AATF: variants seen among roughly 807,000 people sequenced by gnomAD.
AATF encodes protein AATF.
Under a neutral mutation model 63.7 loss-of-function variants are expected in AATF, and 48 were observed. The ratio of observed to expected loss-of-function variants is 0.75; its 90% confidence interval spans 0.60 to 0.96. The LOEUF is 0.96. Ranked by LOEUF, AATF falls within the 40% of genes least tolerant of loss-of-function variation. The pLI is 0.00. For missense variants in AATF, 639 were observed against 685.7 expected, an observed-to-expected ratio of 0.93 and a Z score of 0.76; for synonymous variants, 258 against 247.7, an observed-to-expected ratio of 1.04 and a Z score of -0.39.
chr17:36,989,563 T>G (rs1427158973), intron 7 of AATF, 152 bp downstream of exon 7: 4 of 762,100 alleles, frequency 5.2e-6, no homozygotes, highest in Middle Eastern at 4.2e-4. Flanking sequence ...GAAACTTGAG[T>G]GTATGTGAGA....
chr17:37,020,228 A>C (rs1455091507), intron 9 of AATF, among the ~76,000 whole-genome samples: 2 of 152,114 alleles, frequency 1.3e-5, no homozygotes, highest in African/African-American at 2.4e-5. Context: ...GCCAACTGTA[A>C]AATTGAGACA....
At chr17:36,950,483 A>C in intron 2 of AATF, 78 bp downstream of exon 2, 1 of 1,405,014 alleles carries the variant, frequency 7.1e-7, no homozygotes, top group Non-Finnish European at 9.8e-7. Context: ...ATCCCCCATG[A>C]TCTTTGCAAG....
chr17:37,053,669 C>T (rs193233310), intron 11 of AATF, among the ~76,000 whole-genome samples: 19 of 152,274 alleles, frequency 1.2e-4, no homozygotes, highest in Admixed American at 2.6e-4. Context: ...GAGATGGAGA[C>T]CATCCTGGCC....
intron 8 of AATF, among the ~76,000 whole-genome samples, chr17:36,999,672 T>G (rs1204303845): frequency 6.6e-6 from 1 of 152,072 alleles, no homozygotes; most frequent in South Asian, 2.1e-4. Context: ...TGAAACTGGT[T>G]ATGGTGAAAG....
intron 4 of AATF, among the ~76,000 whole-genome samples, chr17:36,976,362 C>T (rs1333548738): frequency 1.3e-5 from 2 of 152,060 alleles, no homozygotes; most frequent in African/African-American, 4.8e-5. Context: ...ATATAAAGTG[C>T]TTAGGCGAGT....
At chr17:36,977,954 A>G (rs956358693) in intron 4 of AATF, among the ~76,000 whole-genome samples, 1 of 152,208 alleles carries the variant, frequency 6.6e-6, no homozygotes, top group African/African-American at 2.4e-5. Flanking sequence ...ATTTATTGAC[A>G]TACTTCATCA....
At chr17:37,016,308 A>AT (rs1008928404) in intron 8 of AATF, among the ~76,000 whole-genome samples, 1 of 152,138 alleles carries the variant, frequency 6.6e-6, no homozygotes, top group South Asian at 2.1e-4. Context: ...TCTAGCATGC[A>AT]TTTTTTCTAA....
At chr17:36,991,828 C>T (rs1181932152) in intron 8 of AATF, among the ~76,000 whole-genome samples, 2 of 151,984 alleles carry the variant, frequency 1.3e-5, no homozygotes, top group African/African-American at 4.8e-5. Context: ...CTCGTGATCT[C>T]CCTGCCTCAG....
intron 7 of AATF, among the ~76,000 whole-genome samples, chr17:36,989,705 T>C (rs1468470577): frequency 2.6e-5 from 4 of 152,214 alleles, no homozygotes; most frequent in South Asian, 2.1e-4. Context: ...TTAAAGCTAC[T>C]TCTGTAGAAA....
chr17:36,962,346 C>CT (rs1442830927), intron 4 of AATF, among the ~76,000 whole-genome samples: 1 of 152,170 alleles, frequency 6.6e-6, no homozygotes, highest in African/African-American at 2.4e-5. Flanking sequence ...AGAGCAAGAA[C>CT]TTTTCCAAAG....
chr17:37,007,728 C>T (rs2071353041), intron 8 of AATF, among the ~76,000 whole-genome samples: 1 of 152,026 alleles, frequency 6.6e-6, no homozygotes, highest in African/African-American at 2.4e-5. Flanking sequence ...AAGGCTCCAG[C>T]GAAGAGGACA....
At chr17:36,979,014 C>G (rs1015383511) in intron 4 of AATF, among the ~76,000 whole-genome samples, 1 of 152,004 alleles carries the variant, frequency 6.6e-6, no homozygotes, top group African/African-American at 2.4e-5. Flanking sequence ...AATAATCACT[C>G]ACACAGCTTT....
At chr17:37,036,612 A>C (rs2071594662) in intron 11 of AATF, among the ~76,000 whole-genome samples, 2 of 152,096 alleles carry the variant, frequency 1.3e-5, no homozygotes, top group Non-Finnish European at 2.9e-5. Context: ...TTTAAAAAAA[A>C]AAACCTTTTA....
In AATF at chr17:37,046,121, C is replaced by T. The variant is rs1289960671; in HGVS notation, c.1620-10480C>T. Among the ~76,000 whole-genome samples the T allele has an allele frequency of 2.0e-5, 3 of 151,942 alleles. No individual in the cohort carries two copies. In the East Asian group the frequency reaches 5.8e-4, roughly 29 times the overall value. On this transcript the variant is annotated intron_variant, in intron 11 of 11. Coordinates refer to ENST00000619387, the MANE Select transcript of AATF (RefSeq NM_012138.4). Reference sequence around the variant, plus strand: ...TATCGATATCTGTAATTTTGTCTTACAGCTCACTGCCATTAAACAGTTGTG... The same window carrying T: ...TATCGATATCTGTAATTTTGTCTTATAGCTCACTGCCATTAAACAGTTGTG...
rs983716438 is a variant in AATF at position 36,949,065 on chromosome 17, G to T, written c.-61G>T. Reference sequence around the variant, plus strand: ...GGATCCGGCAGGGAAGGAGCTTCGGGGCCGGGGGTTGGGCCGCACATTTAC... The same window carrying T: ...GGATCCGGCAGGGAAGGAGCTTCGGTGCCGGGGGTTGGGCCGCACATTTAC... On this transcript the variant is annotated 5_prime_UTR_variant, in exon 1 of 12. Transcript: ENST00000619387. 1.3e-5 allele frequency: 18 copies of T among 1,419,294 alleles called. No individual in the cohort carries two copies. The highest frequency in any genetic ancestry group is 1.4e-5 in the Non-Finnish European group (15 of 1,035,914). 87.9% of individuals were successfully genotyped at this position (1,419,294 alleles called of 1,614,324 possible).
chr17:36,983,136 G>A lies in AATF; in HGVS notation c.833-3481G>A, dbSNP rs201734854. Among the ~76,000 whole-genome samples the A allele has an allele frequency of 2.5e-4, 38 of 152,102 alleles. No individual in the cohort carries two copies. The East Asian group carries it at 4.6e-3, about 19-fold the overall frequency. On this transcript the variant is annotated intron_variant, in intron 4 of 11. Coordinates refer to ENST00000619387, the MANE Select transcript of AATF (RefSeq NM_012138.4). Reference sequence around the variant, plus strand: ...AGCTCACTGCAGCCTCAACCACCTAGGCTTAAGGGATCCTCCCACCTCAGC... The same window carrying A: ...AGCTCACTGCAGCCTCAACCACCTAAGCTTAAGGGATCCTCCCACCTCAGC...
At chr17:37,048,363 CTTTT>C (rs60374815) in intron 11 of AATF, among the ~76,000 whole-genome samples, 6 of 70,842 alleles carry the variant, frequency 8.5e-5, no homozygotes, top group Non-Finnish European at 1.4e-4. Flanking sequence ...TTTTTCTTTT[CTTTT>C]TTTTTTTTTT....
chr17:37,007,791 G>T (rs1051982200), intron 8 of AATF, among the ~76,000 whole-genome samples: 1 of 152,156 alleles, frequency 6.6e-6, no homozygotes, highest in Non-Finnish European at 1.5e-5. Context: ...TAGATACTCT[G>T]AGGTTGGAAG....
intron 4 of AATF, among the ~76,000 whole-genome samples, chr17:36,959,803 G>A (rs1045625150): frequency 2.6e-5 from 4 of 152,016 alleles, no homozygotes; most frequent in Non-Finnish European, 5.9e-5. Flanking sequence ...GATATTTCCC[G>A]TAAGCAAAAC....
Sources: gnomAD v4.1 joint callset for allele counts (sites outside exome capture counted in the v4.1 genomes callset) on GRCh38, gnomAD v4.1.1 for gene constraint, MANE v1.5 for transcripts, NCBI Gene and HGNC (gene_info 2026-07-23, HGNC 2026-07-21) for gene names.